Variants in ADORA2B observed in about 807,000 individuals in gnomAD.
The protein encoded by ADORA2B is adenosine A2b receptor, also known as adenosine receptor A2b.
In ADORA2B, 18 loss-of-function variants were observed where a neutral mutation model predicts 20.8. The observed-to-expected ratio is 0.87, with a 90% confidence interval of 0.60 to 1.29. The LOEUF (loss-of-function observed/expected upper bound fraction) is 1.29, where lower values mean the gene tolerates loss of function less well. Among genes scored for constraint, ADORA2B ranks in the 50% most tolerant of loss-of-function variants. The pLI is 0.00. For missense variants in ADORA2B, 441 were observed against 422.7 expected (o/e 1.04, Z -0.38); for synonymous variants, 179 against 178.3 (o/e 1.00, Z -0.03).
upstream of ADORA2B, among the ~76,000 whole-genome samples, chr17:15,942,259 TAGTG>T (rs1399042761): frequency 3.3e-5 from 5 of 152,254 alleles, no homozygotes; most frequent in South Asian, 2.1e-4. Flanking sequence ...GTCCTCATGA[TAGTG>T]AGTGAGTTCT....
intron 1 of ADORA2B, among the ~76,000 whole-genome samples, 191 bp downstream of exon 1, chr17:15,945,774 A>G (rs1483573947): frequency 6.6e-6 from 1 of 151,936 alleles, no homozygotes; most frequent in African/African-American, 2.4e-5. Flanking sequence ...CACCCAAGAC[A>G]TCCCAGATGC....
the ADORA2B span, among the ~76,000 whole-genome samples, chr17:15,896,352 CAAGG>C: frequency 1.3e-5 from 2 of 151,938 alleles, no homozygotes; most frequent in Non-Finnish European, 2.9e-5. Flanking sequence ...ATAGAAACCA[CAAGG>C]AAGGAATGAT....
chr17:15,946,763 G>A (rs1422035555), intron 1 of ADORA2B, among the ~76,000 whole-genome samples: 1 of 152,152 alleles, frequency 6.6e-6, no homozygotes, highest in Non-Finnish European at 1.5e-5. Flanking sequence ...GGGTGTCAGA[G>A]CCGGGGCTTG....
At chr17:15,963,914 C>T (rs771402704) in intron 1 of ADORA2B, among the ~76,000 whole-genome samples, 8 of 152,248 alleles carry the variant, frequency 5.3e-5, no homozygotes, top group Non-Finnish European at 1.0e-4. Context: ...CAGGCCCAGC[C>T]AGGTCCATCA....
intron 1 of ADORA2B, among the ~76,000 whole-genome samples, chr17:15,968,837 TAGC>T (rs1970151720): frequency 2.0e-5 from 3 of 152,070 alleles, no homozygotes; most frequent in African/African-American, 7.2e-5. Flanking sequence ...GCTGCCCAAA[TAGC>T]AGGTGCATAG....
chr17:15,879,335 C>T, the ADORA2B span, among the ~76,000 whole-genome samples: 7 of 151,992 alleles, frequency 4.6e-5, no homozygotes, highest in African/African-American at 1.7e-4. Flanking sequence ...TGCCTGTAGT[C>T]TCAGGTACTT....
intron 1 of ADORA2B, among the ~76,000 whole-genome samples, chr17:15,967,440 A>G (rs929635518): frequency 6.6e-6 from 1 of 152,304 alleles, no homozygotes; most frequent in African/African-American, 2.4e-5. Context: ...CACGTTGGCC[A>G]GGCTGGTCTC....
At chr17:15,868,381 AT>A in the ADORA2B span, among the ~76,000 whole-genome samples, 300 of 137,932 alleles carry the variant, frequency 2.2e-3, 40 homozygotes, top group Middle Eastern at 7.2e-3. Flanking sequence ...AAAAAAAAAA[AT>A]GTCTTCTTTT....
At chr17:15,955,315 G>A (rs1389445206) in intron 1 of ADORA2B, among the ~76,000 whole-genome samples, 1 of 152,056 alleles carries the variant, frequency 6.6e-6, no homozygotes, top group Non-Finnish European at 1.5e-5. Context: ...AATCCCCTGT[G>A]TATACCAAGT....
the ADORA2B span, among the ~76,000 whole-genome samples, chr17:15,937,109 T>C: frequency 1.3e-5 from 2 of 152,240 alleles, no homozygotes; most frequent in Non-Finnish European, 2.9e-5. Context: ...GCATGTCTTA[T>C]AATATTTTGT....
At chr17:15,861,123 A>G in the ADORA2B span, among the ~76,000 whole-genome samples, 1 of 152,062 alleles carries the variant, frequency 6.6e-6, no homozygotes, top group Non-Finnish European at 1.5e-5. Context: ...GCATGAAAAT[A>G]ATTAAGATGC....
chr17:15,931,153 C>CA, the ADORA2B span, among the ~76,000 whole-genome samples: 1 of 152,090 alleles, frequency 6.6e-6, no homozygotes, highest in Non-Finnish European at 1.5e-5. Context: ...CCCATCTCTA[C>CA]AAAAAATTTA....
At chr17:15,895,046 G>C in the ADORA2B span, among the ~76,000 whole-genome samples, 1 of 152,098 alleles carries the variant, frequency 6.6e-6, no homozygotes, top group Non-Finnish European at 1.5e-5. Flanking sequence ...CTTTGAGTGT[G>C]AAGGCCGTCT....
chr17:15,886,692 CAGAA>C, the ADORA2B span, among the ~76,000 whole-genome samples: 12 of 130,586 alleles, frequency 9.2e-5, 3 homozygotes, highest in African/African-American at 3.2e-4. Context: ...GCAAACTTAA[CAGAA>C]AGGCAGAAGA....
intron 1 of ADORA2B, among the ~76,000 whole-genome samples, chr17:15,962,990 T>C (rs1171614828): frequency 6.6e-6 from 1 of 151,964 alleles, no homozygotes; most frequent in Non-Finnish European, 1.5e-5. Context: ...TTCCAAAGAG[T>C]CTTGGTTCCT....
the ADORA2B span, among the ~76,000 whole-genome samples, chr17:15,865,830 CTT>C: frequency 5.6e-4 from 82 of 145,520 alleles, no homozygotes; most frequent in African/African-American, 6.8e-4. Flanking sequence ...TTGCATGTAT[CTT>C]TTTTTTTTTT....
chr17:15,857,388 C>A, the ADORA2B span, among the ~76,000 whole-genome samples: 1 of 152,214 alleles, frequency 6.6e-6, no homozygotes, highest in Non-Finnish European at 1.5e-5. Context: ...CACAGAACCC[C>A]CCTGGGGCAC....
At chr17:15,951,926 G>A (rs533022963) in intron 1 of ADORA2B, among the ~76,000 whole-genome samples, 1 of 152,166 alleles carries the variant, frequency 6.6e-6, no homozygotes, top group African/African-American at 2.4e-5. Context: ...GAGGGCAGAG[G>A]CCTCCTCTGC....
chr17:15,862,471 A>C, the ADORA2B span, among the ~76,000 whole-genome samples: 1 of 151,932 alleles, frequency 6.6e-6, no homozygotes, highest in African/African-American at 2.4e-5. Flanking sequence ...TCAGCCTCCC[A>C]AAACGCTGGG....
Sources: gnomAD v4.1 joint callset for allele counts (sites outside exome capture counted in the v4.1 genomes callset) on GRCh38, gnomAD v4.1.1 for gene constraint, MANE v1.5 for transcripts, NCBI Gene and HGNC (gene_info 2026-07-23, HGNC 2026-07-21) for gene names.